The following SLC9A4 variants were observed in gnomAD, a reference collection of about 807,000 sequenced individuals.
The protein encoded by SLC9A4 is solute carrier family 9 member A4.
SLC9A4 carries 63 observed loss-of-function variants against 67.4 expected under a neutral mutation model. The ratio of observed to expected loss-of-function variants is 0.93; its 90% CI spans 0.76 to 1.15. The LOEUF (loss-of-function observed/expected upper bound fraction) is 1.15, where lower values mean the gene tolerates loss of function less well. Ranked by LOEUF, SLC9A4 falls within the 50% of genes most tolerant of loss-of-function variation. The pLI is 0.00. For missense variants in SLC9A4, 1,089 were observed against 987.7 expected, an observed-to-expected ratio of 1.10 and a Z score of -1.38; for synonymous variants, 393 against 367.2, an observed-to-expected ratio of 1.07 and a Z score of -0.80.
chr2:102,512,941 T>C (rs1224854737), intron 7 of SLC9A4, among the ~76,000 whole-genome samples: 1 of 150,418 alleles, frequency 6.6e-6, no homozygotes, highest in African/African-American at 2.5e-5. Flanking sequence ...TCAGAGAGGC[T>C]GGCAGCGAAG....
rs537669339 is a variant in SLC9A4, at chr2:102,532,663, A to T, written c.2372A>T (p.His791Leu). 6.2e-7 allele frequency: 1 copy of T among 1,613,604 alleles called. No individual in the cohort carries two copies. The highest frequency in any genetic ancestry group is 1.1e-5 in the South Asian group (1 of 91,038). Residue 791 changes from histidine (H) to leucine (L), a missense_variant, in exon 12 of 12, where the codon CAT becomes CTT. Transcript: ENST00000295269. ...CACGGCAGGGACCATCACAGGTCCC[A>T]TAGTCCTTTGCTCCAAAAAAAATAG... ...HGHGRDHHRS[H>L]SPLLQKK
chr2:102,528,308 G>T (rs75315383), intron 11 of SLC9A4, among the ~76,000 whole-genome samples: 2 of 151,932 alleles, frequency 1.3e-5, no homozygotes, highest in African/African-American at 2.4e-5. Flanking sequence ...GAGTCTGGTC[G>T]ATAGTTTAAT....
chr2:102,532,334 T>G lies in SLC9A4; in HGVS notation c.2043T>G (p.Asp681Glu), dbSNP rs1016993334. The G allele has an allele frequency of 9.9e-6, 16 of 1,611,958 alleles. No homozygotes were observed. The highest frequency in any genetic ancestry group is 8.5e-6 in the Non-Finnish European group (10 of 1,178,616). Residue 681 changes from aspartate to glutamate, a missense_variant, in exon 12 of 12, where the codon GAT (aspartate) becomes GAG (glutamate). Transcript: ENST00000295269. ...CTTGCCATGATGTTTTCCTAGATGA[T>G]GACAGCAGTGATCCAGGATCCCCAT... ...RDTRAAGFSD[D>E]DSSDPGSPSI...
intron 2 of SLC9A4, among the ~76,000 whole-genome samples, chr2:102,481,945 C>T (rs1387781453): frequency 2.0e-5 from 3 of 152,030 alleles, no homozygotes; most frequent in Non-Finnish European, 4.4e-5. Context: ...GGAAAAGTCC[C>T]CCTTTGAAAA....
intron 2 of SLC9A4, among the ~76,000 whole-genome samples, chr2:102,486,938 T>G (rs1684600964): frequency 1.3e-5 from 2 of 152,126 alleles, no homozygotes; most frequent in Non-Finnish European, 2.9e-5. Flanking sequence ...CATGCAGCCT[T>G]GATTGGTTGG....
In SLC9A4 at chr2:102,508,932, G is replaced by A. The variant is rs191576855; in HGVS notation, c.1487G>A (p.Arg496His). Residue 496 changes from arginine (R) to histidine (H), a missense_variant and splice_region_variant, in exon 6 of 12, where the codon CGT becomes CAT. Arg to His is a conservative substitution (Grantham distance 29). Transcript: ENST00000295269. The stretch of plus-strand genomic sequence containing the variant: ...TCCATCAATGAAGAGCTTCATATTC[G>A]TGTAAGTTATCTCATAGTCACAATT... ...KESINEELHI[R>H]LMDHLKAGIE... is the part of the protein sequence containing the mutation. 151 of 1,606,886 alleles carry A rather than the reference G, an allele frequency of 9.4e-5. No homozygotes were observed. In the East Asian group the frequency reaches 2.8e-3, roughly 30 times the overall value.
At chr2:102,508,960 T>A (rs776446317) in intron 6 of SLC9A4, 27 bp downstream of exon 6, 1 of 1,568,574 alleles carries the variant, frequency 6.4e-7, no homozygotes, top group Non-Finnish European at 8.7e-7. Context: ...TCACAATTAA[T>A]AAATTAACAA....
rs996573164 is a variant in SLC9A4, at chr2:102,501,663, C to T, written c.721-1785C>T. 2.0e-5 allele frequency among the ~76,000 whole-genome samples: 3 copies of T among 152,028 alleles called. No individual in the cohort carries two copies. The East Asian group carries it at 5.8e-4, about 30-fold the overall frequency. ...AAAGGGGCTGGGGGAGGAATGGCTT[C>T]CTGCAGGCTGCAGACCACAGCAAGG... On this transcript the variant is annotated intron_variant, in intron 2 of 11. Transcript: ENST00000295269.
At chr2:102,506,660 T>A (rs1685055837) in intron 4 of SLC9A4, among the ~76,000 whole-genome samples, 1 of 152,208 alleles carries the variant, frequency 6.6e-6, no homozygotes, top group African/African-American at 2.4e-5. Flanking sequence ...AACAAATTTC[T>A]TAGTTCCCTT....
chr2:102,487,741 T>C (rs561771814), intron 2 of SLC9A4, among the ~76,000 whole-genome samples: 1 of 152,324 alleles, frequency 6.6e-6, no homozygotes, highest in East Asian at 1.9e-4. Context: ...AAGCCTCTCG[T>C]TATCAAGTTG....
intron 4 of SLC9A4, among the ~76,000 whole-genome samples, 196 bp from the exon 5 acceptor site, chr2:102,507,883 C>T (rs919507139): frequency 5.9e-5 from 9 of 152,156 alleles, no homozygotes; most frequent in Non-Finnish European, 2.9e-5. Flanking sequence ...AAGATTCCCA[C>T]TTGAAGTGCT....
chr2:102,502,306 G>T (rs1469334658), intron 2 of SLC9A4, among the ~76,000 whole-genome samples: 1 of 152,072 alleles, frequency 6.6e-6, no homozygotes, highest in African/African-American at 2.4e-5. Flanking sequence ...AATAAATGTT[G>T]AAATAAATAG....
chr2:102,514,419 A>G (rs1051009385), intron 8 of SLC9A4, among the ~76,000 whole-genome samples, 168 bp downstream of exon 8: 3 of 152,244 alleles, frequency 2.0e-5, no homozygotes, highest in Non-Finnish European at 4.4e-5. Flanking sequence ...GGCTTGGCCC[A>G]AGCTCACATA....
At chr2:102,494,245 G>T (rs1347294186) in intron 2 of SLC9A4, among the ~76,000 whole-genome samples, 1 of 151,790 alleles carries the variant, frequency 6.6e-6, no homozygotes, top group Admixed American at 6.6e-5. Context: ...TGGCTATAAG[G>T]TTTCTTTATT....
At chr2:102,527,652 C>T (rs1674695144) in intron 11 of SLC9A4, among the ~76,000 whole-genome samples, 1 of 152,048 alleles carries the variant, frequency 6.6e-6, no homozygotes, top group Non-Finnish European at 1.5e-5. Context: ...CATATATTGT[C>T]AAAACACCAT....
At chr2:102,519,675 A>G (rs539015324) in intron 8 of SLC9A4, among the ~76,000 whole-genome samples, 184 bp from the exon 9 acceptor site, 188 of 152,340 alleles carry the variant, frequency 1.2e-3, no homozygotes, top group African/African-American at 4.4e-3. Flanking sequence ...AGTATTTTCA[A>G]AACCTGAAGT....
At chr2:102,510,230 C>CA (rs1453234713) in intron 6 of SLC9A4, among the ~76,000 whole-genome samples, 3 of 150,752 alleles carry the variant, frequency 2.0e-5, no homozygotes, top group African/African-American at 7.4e-5. Flanking sequence ...GATACGGATA[C>CA]GGATACAGAT....
chr2:102,501,179 T>C (rs1240127462), intron 2 of SLC9A4, among the ~76,000 whole-genome samples: 1 of 151,676 alleles, frequency 6.6e-6, no homozygotes, highest in African/African-American at 2.4e-5. Flanking sequence ...TGGAGTACAC[T>C]GGTGTGGTCT....
In SLC9A4 at chr2:102,532,313, C is replaced by T; in HGVS notation, c.2039-17C>T. ...TAAGTCTTGTTCTTTCCCCTTCTTG[C>T]CATGATGTTTTCCTAGATGATGACA... On this transcript the variant is annotated splice_polypyrimidine_tract_variant and intron_variant, in intron 11 of 11. Coordinates refer to ENST00000295269, the MANE Select transcript of SLC9A4 (RefSeq NM_001011552.4). The T allele has an allele frequency of 6.2e-7, 1 of 1,602,180 alleles. No homozygotes were observed.
Sources: gnomAD v4.1 joint callset for allele counts (sites outside exome capture counted in the v4.1 genomes callset) on GRCh38, gnomAD v4.1.1 for gene constraint, MANE v1.5 for transcripts, NCBI Gene and HGNC (gene_info 2026-07-23, HGNC 2026-07-21) for gene names.